Variants in LINGO1 observed in about 807,000 individuals in gnomAD.
LINGO1 encodes leucine-rich repeat and immunoglobulin-like domain-containing nogo receptor-interacting protein 1.
Under a neutral mutation model 37.3 loss-of-function variants are expected in LINGO1, and 11 were observed. The ratio of observed to expected loss-of-function variants is 0.29; its 90% confidence interval spans 0.19 to 0.49. LINGO1 has a LOEUF of 0.49. LINGO1 is among the 20% of genes least tolerant of loss of function. The pLI is 0.99. For synonymous variants in LINGO1, 387 were observed against 403.0 expected (o/e 0.96, Z 0.48); for missense variants, 585 against 878.2 (o/e 0.67, Z 4.22).
At chr15:77,638,176 C>T (rs2074431558), upstream of LINGO1, among the ~76,000 whole-genome samples, 1 of 152,208 alleles carries the variant, frequency 6.6e-6, no homozygotes, top group South Asian at 2.1e-4. Context: ...TCAGTGCTGC[C>T]ACGGCCCTTC....
At chr15:77,629,538 TTC>T (rs934308473) in intron 1 of LINGO1, among the ~76,000 whole-genome samples, 6 of 152,324 alleles carry the variant, frequency 3.9e-5, no homozygotes, top group African/African-American at 1.2e-4. Flanking sequence ...AATCTCACCC[TTC>T]TCTGAGTGCC....
chr15:77,615,383 C>T lies in LINGO1; in HGVS notation c.524G>A (p.Gly175Asp). The T allele has an allele frequency of 1.9e-6, 3 of 1,613,984 alleles. No homozygotes were observed. Among genetic ancestry groups the T allele is most frequent in the Non-Finnish European group, 2.5e-6 (3 of 1,179,906 alleles). ...DLYNLKSLEV[G>D]DNDLVYISHR... is the part of the protein sequence containing the mutation. ...AGAGATGTAGACGAGGTCATTGTCG[C>T]CAACCTCCAGTGACTTGAGGTTGTA... The change falls in exon 2 of 2, where the codon GGC becomes GAC. Residue 175 changes from glycine to aspartate, a missense_variant. By Grantham distance (94) the Gly-to-Asp change is moderately conservative (BLOSUM62 -1). Coordinates refer to ENST00000355300, the MANE Select transcript of LINGO1 (RefSeq NM_032808.7).
Position 77,632,451 on chromosome 15 carries a change from C to T in LINGO1, c.-136G>A, listed in dbSNP as rs1390250099. ...CGACACCTCCGCCCGGCAGTCCGCG[C>T]GCCCTCGCGGGGCTGGCTGTCCGTC... On this transcript the variant is annotated 5_prime_UTR_variant, in exon 1 of 2. Coordinates refer to ENST00000355300, the MANE Select transcript of LINGO1 (RefSeq NM_032808.7). The surrounding 1 kb of genome is among the most constrained non-coding windows in gnomAD (Gnocchi z 6.0). 3 of 993,300 alleles carry T rather than the reference C, an allele frequency of 3.0e-6. No homozygotes were observed. The highest frequency in any genetic ancestry group is 4.4e-5 in the Admixed American group (1 of 22,860). 61.5% of individuals were successfully genotyped at this position (993,300 alleles called of 1,614,324 possible).
intron 1 of LINGO1, among the ~76,000 whole-genome samples, chr15:77,628,595 C>G (rs9920113): frequency 6.6e-6 from 1 of 152,004 alleles, no homozygotes. Flanking sequence ...AAAGAGGCAA[C>G]GGGACGGGGT....
At chr15:77,810,323 T>C (rs1047713128) in intron 1 of LINGO1, among the ~76,000 whole-genome samples, 6 of 136,674 alleles carry the variant, frequency 4.4e-5, no homozygotes, top group Admixed American at 1.4e-4. Flanking sequence ...CACACACACA[T>C]ACACATGCAC....
chr15:77,662,450 C>T lies in LINGO1; in HGVS notation c.-13+14639G>A, dbSNP rs576042676. Among the ~76,000 whole-genome samples, 29 of 152,218 alleles carry T rather than the reference C, an allele frequency of 1.9e-4. No individual in the cohort carries two copies. In the South Asian group the frequency reaches 2.7e-3, roughly 14 times the overall value. ...CAAAGAGGGAACAGGCTGCCCAGCC[C>T]CAACTGAGAACATGACCCCACCCTC... On this transcript the variant is annotated intron_variant, in intron 3 of 3. Coordinates refer to the LINGO1 transcript ENST00000559893.
intron 1 of LINGO1, among the ~76,000 whole-genome samples, chr15:77,754,029 A>G (rs2141371231): frequency 6.6e-6 from 1 of 152,208 alleles, no homozygotes; most frequent in African/African-American, 2.4e-5. Context: ...CAAAGAAGGC[A>G]TTTGCTGTGG....
chr15:77,815,538 T>C (rs1220667400), intron 1 of LINGO1, among the ~76,000 whole-genome samples: 1 of 152,144 alleles, frequency 6.6e-6, no homozygotes, highest in Non-Finnish European at 1.5e-5. Context: ...TGTGTTCACT[T>C]TACAGACACA....
At chr15:77,619,741 T>TAAAAAA (rs1555520556) in intron 1 of LINGO1, among the ~76,000 whole-genome samples, 3 of 142,034 alleles carry the variant, frequency 2.1e-5, no homozygotes, top group African/African-American at 8.5e-5. Flanking sequence ...TAAAATAAAA[T>TAAAAAA]AAAAAAGAAA....
rs909143998 is a variant in LINGO1 at position 77,614,054 on chromosome 15, T to C, written c.1853A>G (p.Lys618Arg). The change falls in exon 2 of 2, where the codon AAG (lysine) becomes AGG (arginine). Residue 618 changes from lysine (K) to arginine (R), a missense_variant. Around this residue, in one of 4 missense-constraint regions of LINGO1, gnomAD observed 34 missense variants for 62.0 expected, o/e 0.55. Transcript: ENST00000355300. ...CCCCCCGCCCCGGCCTCATATCATC[T>C]TCATGTTGAACTTGCGGGGCGCGTC... ...SADAPRKFNM[K>R]MI 6.3e-7 allele frequency: 1 copy of C among 1,588,056 alleles called. No homozygotes were observed. Among genetic ancestry groups the C allele is most frequent in the African/African-American group, 1.3e-5 (1 of 74,298 alleles).
At chr15:77,663,665 C>T (rs2075048001) in intron 3 of LINGO1, among the ~76,000 whole-genome samples, 1 of 152,232 alleles carries the variant, frequency 6.6e-6, no homozygotes, top group African/African-American at 2.4e-5. Flanking sequence ...GGTCCTTCCT[C>T]AGTGTTTGGG....
chr15:77,787,647 G>A (rs115223365), upstream of LINGO1, among the ~76,000 whole-genome samples: 1,477 of 152,072 alleles, frequency 9.7e-3, 22 homozygotes, highest in African/African-American at 0.034. Context: ...GCGGAAAAGC[G>A]TTCCACTCCT....
chr15:77,668,741 C>T (rs1450856234), intron 3 of LINGO1, among the ~76,000 whole-genome samples: 1 of 151,538 alleles, frequency 6.6e-6, no homozygotes, highest in African/African-American at 2.4e-5. Flanking sequence ...CGGTATTCAA[C>T]ACACATATAC....
intron 3 of LINGO1, among the ~76,000 whole-genome samples, chr15:77,642,304 C>A (rs1319855838): frequency 6.6e-6 from 1 of 152,206 alleles, no homozygotes; most frequent in East Asian, 1.9e-4. Context: ...ATGGGGGACC[C>A]CCACCCCCAG....
chr15:77,643,997 G>C (rs2074567047), intron 3 of LINGO1, among the ~76,000 whole-genome samples: 1 of 152,220 alleles, frequency 6.6e-6, no homozygotes, highest in Admixed American at 6.5e-5. Context: ...GAGTGGTGAG[G>C]ACACGCTGGG....
At chr15:77,698,678 G>A (rs1313454924), upstream of LINGO1, among the ~76,000 whole-genome samples, 1 of 152,230 alleles carries the variant, frequency 6.6e-6, no homozygotes, top group Non-Finnish European at 1.5e-5. Flanking sequence ...AGGAGGCACA[G>A]TCGCTGGGAG....
chr15:77,798,254 G>A (rs1450353414), intron 1 of LINGO1, among the ~76,000 whole-genome samples: 1 of 152,214 alleles, frequency 6.6e-6, no homozygotes, highest in African/African-American at 2.4e-5. Flanking sequence ...TAGTCAGACA[G>A]GGGCACTGTC....
At chr15:77,688,575 G>C (rs1412323589) in intron 2 of LINGO1, among the ~76,000 whole-genome samples, 2 of 152,154 alleles carry the variant, frequency 1.3e-5, no homozygotes, top group Non-Finnish European at 2.9e-5. Context: ...TCAACCCTGG[G>C]CCTGGGGGAG....
chr15:77,626,907 G>GC (rs1201020880), intron 1 of LINGO1, among the ~76,000 whole-genome samples: 2 of 152,050 alleles, frequency 1.3e-5, no homozygotes, highest in Admixed American at 6.5e-5. Context: ...GCTCTGAGAT[G>GC]CCCCCGTGTT....
Sources: allele counts gnomAD v4.1 joint callset (sites outside exome capture counted in the v4.1 genomes callset), GRCh38; gene constraint gnomAD v4.1.1; regional missense constraint gnomAD v4.1.1; non-coding constraint Gnocchi (gnomAD v3.1); transcripts MANE v1.5; gene names NCBI Gene and HGNC (gene_info 2026-07-23, HGNC 2026-07-21).